Variants in NKAIN2 observed in about 807,000 individuals in gnomAD.
The protein encoded by NKAIN2 is sodium/potassium-transporting ATPase subunit beta-1-interacting protein 2.
In NKAIN2, 14 loss-of-function variants were observed where a neutral mutation model predicts 32.6. The observed-to-expected ratio is 0.43, with a 90% confidence interval of 0.28 to 0.67. The LOEUF is 0.67. NKAIN2 is among the 30% of genes least tolerant of loss of function. NKAIN2 has a pLI of 0.17. For missense variants in NKAIN2, 198 were observed against 258.3 expected, an observed-to-expected ratio of 0.77 and a Z score of 1.60; for synonymous variants, 80 against 87.2, an observed-to-expected ratio of 0.92 and a Z score of 0.46.
intron 3 of NKAIN2, among the ~76,000 whole-genome samples, chr6:124,412,983 A>G (rs1386359020): frequency 3.3e-5 from 5 of 152,172 alleles, no homozygotes; most frequent in Non-Finnish European, 5.9e-5. Flanking sequence ...CAGGTGCAGG[A>G]GATAATCTCC....
At chr6:124,217,435 A>G (rs919407256) in intron 1 of NKAIN2, among the ~76,000 whole-genome samples, 8 of 149,480 alleles carry the variant, frequency 5.4e-5, no homozygotes, top group African/African-American at 9.8e-5. Context: ...CATGGTAGAG[A>G]AAAAAAAAAG....
intron 1 of NKAIN2, among the ~76,000 whole-genome samples, chr6:123,940,857 T>G (rs987198309): frequency 2.0e-5 from 3 of 151,996 alleles, no homozygotes; most frequent in African/African-American, 4.8e-5. Flanking sequence ...AAATTTTTCA[T>G]TCTTCAATAA....
intron 4 of NKAIN2, among the ~76,000 whole-genome samples, chr6:124,687,275 TAGAGAGA>T (rs1562324402): frequency 1.9e-4 from 24 of 126,846 alleles, no homozygotes; most frequent in African/African-American, 7.5e-4. Context: ...TCTCTATATA[TAGAGAGA>T]GAATATATAT....
chr6:124,177,711 G>A (rs1364683716), intron 1 of NKAIN2, among the ~76,000 whole-genome samples: 7 of 152,034 alleles, frequency 4.6e-5, no homozygotes, highest in Non-Finnish European at 1.0e-4. Flanking sequence ...CATAAAGGAG[G>A]AAGCTCTCAA....
chr6:124,414,124 C>A (rs557941209), intron 3 of NKAIN2, among the ~76,000 whole-genome samples: 1 of 151,848 alleles, frequency 6.6e-6, no homozygotes, highest in Non-Finnish European at 1.5e-5. Context: ...TTAGAGGGAA[C>A]ACATTCAGGG....
At chr6:124,711,055 G>C (rs902061429) in intron 4 of NKAIN2, among the ~76,000 whole-genome samples, 2 of 146,600 alleles carry the variant, frequency 1.4e-5, no homozygotes, top group Non-Finnish European at 3.0e-5. Flanking sequence ...GCATTTGCTT[G>C]TCTGTAAAGT....
chr6:124,171,008 A>C (rs1327121700), intron 1 of NKAIN2, among the ~76,000 whole-genome samples: 1 of 152,226 alleles, frequency 6.6e-6, no homozygotes, highest in Non-Finnish European at 1.5e-5. Context: ...ACTATCTTTA[A>C]AAAACAAATT....
chr6:124,544,309 C>A (rs7770980), intron 3 of NKAIN2, among the ~76,000 whole-genome samples: 24,735 of 151,468 alleles, frequency 0.16, 2,653 homozygotes, highest in African/African-American at 0.3. Context: ...TTTCCCTCCA[C>A]CCCCACCTCC....
intron 4 of NKAIN2, among the ~76,000 whole-genome samples, chr6:124,662,742 G>A (rs1012774370): frequency 6.6e-6 from 1 of 152,178 alleles, no homozygotes; most frequent in Admixed American, 6.5e-5. Flanking sequence ...TGGCACATGG[G>A]TGTTTCTTTG....
intron 1 of NKAIN2, among the ~76,000 whole-genome samples, chr6:124,183,321 A>G (rs1789543008): frequency 6.6e-6 from 1 of 152,052 alleles, no homozygotes; most frequent in African/African-American, 2.4e-5. Flanking sequence ...GTGCTTGTCT[A>G]TTTTGTTTAT....
chr6:124,121,153 T>C (rs1048070489), intron 1 of NKAIN2, among the ~76,000 whole-genome samples: 3 of 152,120 alleles, frequency 2.0e-5, no homozygotes, highest in African/African-American at 7.2e-5. Context: ...TTTGAACTCA[T>C]GTAATCACTC....
intron 2 of NKAIN2, among the ~76,000 whole-genome samples, chr6:124,333,273 C>T (rs1797737258): frequency 1.3e-5 from 2 of 152,070 alleles, no homozygotes; most frequent in Admixed American, 1.3e-4. Flanking sequence ...TAACAAAGTA[C>T]CACAAACCCA....
chr6:124,571,114 A>C (rs966215832), intron 3 of NKAIN2, among the ~76,000 whole-genome samples: 3 of 152,266 alleles, frequency 2.0e-5, no homozygotes, highest in African/African-American at 7.2e-5. Context: ...AATTGCTTCC[A>C]TCTGGAACAG....
At chr6:124,217,826 TAGAG>T (rs1022263376) in intron 1 of NKAIN2, among the ~76,000 whole-genome samples, 1 of 151,950 alleles carries the variant, frequency 6.6e-6, no homozygotes, top group African/African-American at 2.4e-5. Context: ...TATCTATATA[TAGAG>T]AGAGATATAG....
chr6:123,976,513 C>T (rs1295299768), intron 1 of NKAIN2, among the ~76,000 whole-genome samples: 1 of 149,320 alleles, frequency 6.7e-6, no homozygotes, highest in Admixed American at 6.7e-5. Flanking sequence ...CTGGAAACCC[C>T]AGAGAACCAA....
intron 4 of NKAIN2, among the ~76,000 whole-genome samples, chr6:124,668,510 C>CTAAT (rs1220782361): frequency 6.6e-6 from 1 of 152,094 alleles, no homozygotes; most frequent in Non-Finnish European, 1.5e-5. Context: ...GTTCCATAAC[C>CTAAT]TAATTGATTT....
intron 1 of NKAIN2, among the ~76,000 whole-genome samples, chr6:123,886,131 T>C (rs557948548): frequency 6.6e-6 from 1 of 152,204 alleles, no homozygotes; most frequent in Non-Finnish European, 1.5e-5. Flanking sequence ...TTAGTGAGGA[T>C]GAGGAACATA....
chr6:123,805,281 A>G (rs1005186170), intron 1 of NKAIN2, among the ~76,000 whole-genome samples: 1 of 152,242 alleles, frequency 6.6e-6, no homozygotes, highest in African/African-American at 2.4e-5. Context: ...TACAAGGCAG[A>G]AGATGTTTAA....
At chr6:124,192,908 C>T (rs1014269831) in intron 1 of NKAIN2, among the ~76,000 whole-genome samples, 12 of 151,962 alleles carry the variant, frequency 7.9e-5, no homozygotes, top group African/African-American at 2.7e-4. Flanking sequence ...CGCCACCGCG[C>T]GCAGCTACTT....
Sources: allele counts gnomAD v4.1 joint callset (sites outside exome capture counted in the v4.1 genomes callset), GRCh38; gene constraint gnomAD v4.1.1; transcripts MANE v1.5; gene names NCBI Gene and HGNC (gene_info 2026-07-23, HGNC 2026-07-21).